FALEC: variants seen among roughly 807,000 people sequenced by gnomAD.
FALEC encodes the protein focally amplified lncRNA regulator of ECM1.
the FALEC span, among the ~76,000 whole-genome samples, chr1:150,533,496 T>C: frequency 7.2e-6 from 1 of 138,808 alleles, no homozygotes; most frequent in African/African-American, 2.7e-5. Context: ...AGTGCAGTGG[T>C]GCAATCTCTG....
downstream of FALEC, among the ~76,000 whole-genome samples, chr1:150,522,288 C>A (rs930838248): frequency 1.3e-5 from 2 of 150,172 alleles, no homozygotes; most frequent in East Asian, 4.0e-4. Context: ...TGTTGTAATC[C>A]TTTTCTGAAC....
downstream of FALEC, among the ~76,000 whole-genome samples, chr1:150,519,355 C>T (rs1476887827): frequency 6.6e-6 from 1 of 152,112 alleles, no homozygotes; most frequent in African/African-American, 2.4e-5. Context: ...AATTCGCATA[C>T]CATTAATTCA....
chr1:150,518,089 G>A (rs9436127), downstream of FALEC: 45,632 of 152,138 alleles, frequency 0.3, 8,332 homozygotes, highest in Non-Finnish European at 0.4. Flanking sequence ...ATGGAAAGAT[G>A]TGAAGAAGAA....
the FALEC span, among the ~76,000 whole-genome samples, chr1:150,527,384 G>A: frequency 0.02 from 3,049 of 149,884 alleles, 128 homozygotes; most frequent in African/African-American, 0.072. Flanking sequence ...TCAGCCTCCC[G>A]AGTAGCTGGG....
chr1:150,533,596 C>T, the FALEC span, among the ~76,000 whole-genome samples: 1 of 151,780 alleles, frequency 6.6e-6, no homozygotes, highest in East Asian at 1.9e-4. Context: ...GCCACAACAC[C>T]CGGCTAATTT....
At chr1:150,528,742 G>A in the FALEC span, among the ~76,000 whole-genome samples, 1 of 151,610 alleles carries the variant, frequency 6.6e-6, no homozygotes, top group Non-Finnish European at 1.5e-5. Flanking sequence ...CCACCACCAC[G>A]CCCAGCTAAT....
chr1:150,522,976 TATATATA>T (rs1393584474), downstream of FALEC, among the ~76,000 whole-genome samples: 17 of 50,212 alleles, frequency 3.4e-4, no homozygotes, highest in South Asian at 6.3e-4. Flanking sequence ...TATATATATA[TATATATA>T]TTTTTTTTTT....
chr1:150,518,881 AC>A (rs1560269608), downstream of FALEC, among the ~76,000 whole-genome samples: 1 of 151,776 alleles, frequency 6.6e-6, no homozygotes, highest in African/African-American at 2.4e-5. Context: ...ACATGGTGAA[AC>A]CACGTCTCTA....
chr1:150,533,618 G>C, the FALEC span, among the ~76,000 whole-genome samples: 1 of 151,902 alleles, frequency 6.6e-6, no homozygotes. Context: ...TGTATTTTTA[G>C]TAGAGATGAG....
chr1:150,536,683 G>A, the FALEC span, among the ~76,000 whole-genome samples: 2 of 152,298 alleles, frequency 1.3e-5, no homozygotes, highest in Admixed American at 1.3e-4. Context: ...CAGCTACTCA[G>A]GAGGCTGAGT....
downstream of FALEC, among the ~76,000 whole-genome samples, chr1:150,522,879 A>ATATATACACG (rs1670665151): frequency 4.3e-5 from 4 of 92,304 alleles, no homozygotes; most frequent in Non-Finnish European, 6.6e-5. Flanking sequence ...ATATATACAT[A>ATATATACACG]TATATATACG....
At chr1:150,529,698 C>G in the FALEC span, among the ~76,000 whole-genome samples, 3 of 151,996 alleles carry the variant, frequency 2.0e-5, no homozygotes, top group Non-Finnish European at 2.9e-5. Flanking sequence ...CCCGGGTTCA[C>G]GCCATTCTCC....
the FALEC span, among the ~76,000 whole-genome samples, chr1:150,533,813 C>T: frequency 6.4e-3 from 970 of 152,074 alleles, 6 homozygotes; most frequent in Non-Finnish European, 0.01. Flanking sequence ...TCTCTGTGAC[C>T]AAAAAAGATA....
the FALEC span, among the ~76,000 whole-genome samples, chr1:150,533,866 G>T: frequency 1.3e-5 from 2 of 152,206 alleles, no homozygotes; most frequent in Non-Finnish European, 2.9e-5. Context: ...TATGCATGGG[G>T]TATTTTAATA....
At chr1:150,521,149 CTACTGTTGATAGA>C (rs1462197398), downstream of FALEC, among the ~76,000 whole-genome samples, 1 of 152,162 alleles carries the variant, frequency 6.6e-6, no homozygotes, top group Non-Finnish European at 1.5e-5. Flanking sequence ...TTTATCCATT[CTACTGTTGATAGA>C]TACATGAATT....
At chr1:150,536,467 G>A in the FALEC span, among the ~76,000 whole-genome samples, 2 of 152,202 alleles carry the variant, frequency 1.3e-5, no homozygotes, top group Non-Finnish European at 2.9e-5. Context: ...TTCTTCACCT[G>A]TAAAATGAAG....
At chr1:150,524,636 A>G in the FALEC span, among the ~76,000 whole-genome samples, 3 of 152,234 alleles carry the variant, frequency 2.0e-5, no homozygotes, top group Non-Finnish European at 2.9e-5. Context: ...CTAATAAGCA[A>G]TGAAAAAATG....
chr1:150,522,911 ATACATATATATATACATATATATGTG>A (rs1476650241), downstream of FALEC, among the ~76,000 whole-genome samples: 233 of 110,168 alleles, frequency 2.1e-3, 7 homozygotes, highest in African/African-American at 8.3e-3. Context: ...ATACATATAT[ATACATATATATATACATATATATGTG>A]TGTGTGTGTG....
At chr1:150,528,616 C>G in the FALEC span, among the ~76,000 whole-genome samples, 2 of 149,436 alleles carry the variant, frequency 1.3e-5, no homozygotes, top group Non-Finnish European at 3.0e-5. Flanking sequence ...GAGTCTCACT[C>G]TGTCGCCCAG....
Sources: allele counts gnomAD v4.1 joint callset (sites outside exome capture counted in the v4.1 genomes callset), GRCh38; gene constraint gnomAD v4.1.1; transcripts MANE v1.5; gene names NCBI Gene and HGNC (gene_info 2026-07-23, HGNC 2026-07-21).